NBPF11: variants seen among roughly 807,000 people sequenced by gnomAD.
NBPF11 encodes NBPF member 11.
Under a neutral mutation model 93.9 loss-of-function variants are expected in NBPF11, and 72 were observed. The observed-to-expected ratio is 0.77, with a 90% CI of 0.63 to 0.93. The LOEUF (loss-of-function observed/expected upper bound fraction) is 0.93. NBPF11 is among the 40% of genes least tolerant of loss of function. The pLI is 0.00. For missense variants in NBPF11, 705 were observed against 802.2 expected, an observed-to-expected ratio of 0.88 and a Z score of 1.46; for synonymous variants, 224 against 304.9, an observed-to-expected ratio of 0.73 and a Z score of 2.76.
chr1:148,126,918 G>A lies in NBPF11; in HGVS notation c.86C>T (p.Ala29Val). The change falls in exon 5 of 24, where the codon GCA (alanine) becomes GTA (valine). Residue 29 changes from alanine to valine, a missense_variant. Transcript: ENST00000682118. ...EINEKLRPQLAENKQQFRNLK... is the reference protein window; with the variant it reads ...EINEKLRPQLVENKQQFRNLK... The stretch of plus-strand genomic sequence containing the variant: ...GTTTCTGAACTGCTGTTTGTTCTCT[G>A]CCAACTGGGGGCGCAATTTCTCGTT... 1 of 1,240,970 alleles carries A rather than the reference G, an allele frequency of 8.1e-7. No individual in the cohort carries two copies. The highest frequency in any genetic ancestry group is 1.2e-6 in the Non-Finnish European group (1 of 863,344). 76.9% of individuals were successfully genotyped at this position (1,240,970 alleles called of 1,614,324 possible). A position where few individuals can be genotyped will look rare whatever the true frequency, so the allele number is the denominator to read the frequency against.
At chr1:148,107,988 A>G (rs1571409631) in intron 18 of NBPF11, among the ~76,000 whole-genome samples, 2 of 151,266 alleles carry the variant, frequency 1.3e-5, no homozygotes, top group Non-Finnish European at 1.5e-5. Flanking sequence ...TCGTTATCCC[A>G]ATATCATTTG....
rs1473300724 is a variant in NBPF11 at position 148,103,848 on chromosome 1, A to C, written c.*48T>G. The C allele has an allele frequency of 1.9e-6, 3 of 1,611,326 alleles. No homozygotes were observed. Among genetic ancestry groups the C allele is most frequent in the Admixed American group, 1.7e-5 (1 of 59,990 alleles). ...TCAAAGTACATTGATGGAGTCGAAT[A>C]ATATCTATCCAGTGAGTCCTGTAAG... On this transcript the variant is annotated 3_prime_UTR_variant, in exon 24 of 24. Transcript: ENST00000682118.
chr1:148,141,614 C>T (rs1672181792), intron 2 of NBPF11, among the ~76,000 whole-genome samples: 2 of 151,878 alleles, frequency 1.3e-5, no homozygotes, highest in South Asian at 2.1e-4. Flanking sequence ...ATGCCATTTA[C>T]CTCTAACCCT....
At chr1:148,147,611 G>T (rs1345539466) in intron 1 of NBPF11, among the ~76,000 whole-genome samples, 1 of 151,976 alleles carries the variant, frequency 6.6e-6, no homozygotes, top group African/African-American at 2.4e-5. Flanking sequence ...TCTCGTCCTG[G>T]CCCTGCCCAG....
In NBPF11 at chr1:148,126,325, C is replaced by T. The variant is rs1272777054; in HGVS notation, c.175+504G>A. On this transcript the variant is annotated intron_variant, in intron 5 of 23. Transcript: ENST00000682118. The stretch of plus-strand genomic sequence containing the variant: ...CTACTCCCTGCTCTTGATGCTGTCA[C>T]TTATAGATAGCACAGGTTCTATTAG... Among the ~76,000 whole-genome samples the T allele has an allele frequency of 3.9e-5, 6 of 151,910 alleles. No individual in the cohort carries two copies. In the South Asian group the frequency reaches 1.0e-3, roughly 26 times the overall value.
At chr1:148,141,783 C>T (rs1391590296) in intron 2 of NBPF11, among the ~76,000 whole-genome samples, 1 of 151,738 alleles carries the variant, frequency 6.6e-6, no homozygotes, top group South Asian at 2.1e-4. Context: ...GCCCCAGTGG[C>T]ACCCACAAAT....
At chr1:148,119,481 C>T (rs1230915118) in intron 10 of NBPF11, among the ~76,000 whole-genome samples, 6 of 151,834 alleles carry the variant, frequency 4.0e-5, no homozygotes, top group Non-Finnish European at 8.8e-5. Context: ...AGAAGACAAG[C>T]ACCTTGGATG....
At chr1:148,146,548 C>T in intron 1 of NBPF11, 5 of 1,604,640 alleles carry the variant, frequency 3.1e-6, no homozygotes, top group Non-Finnish European at 4.2e-6. Flanking sequence ...CGGGGCCGCC[C>T]CCTTGGGGAC....
At position 148,124,122 on chromosome 1, in the gene NBPF11, C is replaced by G; in HGVS notation, c.279-55G>C. 8 of 1,600,678 alleles carry G rather than the reference C, an allele frequency of 5.0e-6. 1 individual carries two copies. Among genetic ancestry groups the G allele is most frequent in the Non-Finnish European group, 6.0e-6 (7 of 1,170,326 alleles). ...AGTGAAAAGCATTGAGTGATCCGTT[C>G]AAATATTGCAACAGAGATTTCTGAG... On this transcript the variant is annotated intron_variant, in intron 6 of 23. Transcript: ENST00000682118.
chr1:148,150,106 A>T (rs1272395083), intron 1 of NBPF11, among the ~76,000 whole-genome samples: 8 of 148,252 alleles, frequency 5.4e-5, no homozygotes, highest in African/African-American at 2.0e-4. Flanking sequence ...GTAATGTTCT[A>T]TTTCTTAATC....
intron 1 of NBPF11, among the ~76,000 whole-genome samples, chr1:148,147,225 G>A (rs1183284437): frequency 3.9e-5 from 6 of 152,226 alleles, no homozygotes; most frequent in South Asian, 2.1e-4. Flanking sequence ...GCCACCTGGC[G>A]GGAGGGAGTG....
rs1182997201 is a variant in NBPF11 at position 148,137,112 on chromosome 1, T to C, written c.-178+599A>G. On this transcript the variant is annotated intron_variant, in intron 3 of 23. Transcript: ENST00000682118. ...GGTGATGAGACACCATTCCTGTGAC[T>C]ACATTGTTATATGCCAGTTATATGA... Among the ~76,000 whole-genome samples the C allele has an allele frequency of 1.8e-4, 27 of 152,088 alleles. 1 individual carries two copies. The highest frequency in any genetic ancestry group is 6.3e-4 in the African/African-American group (26 of 41,334).
At chr1:148,119,952 C>T (rs1199323671) in intron 10 of NBPF11, among the ~76,000 whole-genome samples, 2 of 125,210 alleles carry the variant, frequency 1.6e-5, no homozygotes, top group African/African-American at 5.3e-5. Context: ...CCATGCACGG[C>T]CCCTACTCCC....
chr1:148,122,762 T>G lies in NBPF11; in HGVS notation c.533A>C (p.Glu178Ala), dbSNP rs1668168770. 1.2e-6 allele frequency: 2 copies of G among 1,609,908 alleles called. No individual in the cohort carries two copies. The highest frequency in any genetic ancestry group is 1.7e-5 in the Admixed American group (1 of 60,008). Residue 178 changes from glutamate (E) to alanine (A), a missense_variant, in exon 8 of 24, where the codon GAG becomes GCG. By Grantham distance (107) the Glu-to-Ala change is moderately radical. Transcript: ENST00000682118. ...EDEDEDVQVE[E>A]DEKVLESSAP... ...AGATGATTCCAGTACTTTCTCATCCTCCTCAACTTGAACATCTTCATCCTC... is the reference window on the plus strand; with the variant it reads ...AGATGATTCCAGTACTTTCTCATCCGCCTCAACTTGAACATCTTCATCCTC...
chr1:148,122,105 T>C lies in NBPF11; in HGVS notation c.728A>G (p.Asp243Gly). 1.2e-6 allele frequency: 2 copies of C among 1,612,922 alleles called. No homozygotes were observed. The highest frequency in any genetic ancestry group is 8.5e-7 in the Non-Finnish European group (1 of 1,179,038). Residue 243 changes from aspartate to glycine, a missense_variant, in exon 9 of 24, where the codon GAC (aspartate) becomes GGC (glycine). Transcript: ENST00000682118. ...EDKVNSSLVV[D>G]RESSHDGCQD... is the part of the protein sequence containing the mutation. Reference sequence around the variant, plus strand: ...ACATCCATCATGAGAGGATTCTCTGTCTACAACCAGAGATGAGTTGACTTT... The same window carrying C: ...ACATCCATCATGAGAGGATTCTCTGCCTACAACCAGAGATGAGTTGACTTT...
chr1:148,121,427 A>G (rs1667822410), intron 9 of NBPF11, among the ~76,000 whole-genome samples: 1 of 147,332 alleles, frequency 6.8e-6, no homozygotes. Flanking sequence ...GGCTCACTGC[A>G]AGATCCGGTT....
At chr1:148,148,088 C>T (rs1673491759) in intron 1 of NBPF11, among the ~76,000 whole-genome samples, 1 of 152,186 alleles carries the variant, frequency 6.6e-6, no homozygotes, top group Non-Finnish European at 1.5e-5. Context: ...GCTCAGCACA[C>T]TACTGACCAT....
In NBPF11 at chr1:148,114,347, T is replaced by G; in HGVS notation, c.1637+90A>C. The G allele has an allele frequency of 1.2e-5, 7 of 597,784 alleles. 1 individual carries two copies. The East Asian group carries it at 2.0e-4, about 17-fold the overall frequency. 37.0% of individuals were successfully genotyped at this position (597,784 alleles called of 1,614,324 possible). A position where few individuals can be genotyped will look rare whatever the true frequency, so the allele number is the denominator to read the frequency against. ...TTTGTAGCTGGGTGAATGGAAGAAA[T>G]AGTTCTATTCATCACTTCCTCATTT... On this transcript the variant is annotated intron_variant, in intron 15 of 23. Coordinates refer to ENST00000682118, the MANE Select transcript of NBPF11 (RefSeq NM_001385469.3).
intron 4 of NBPF11, among the ~76,000 whole-genome samples, chr1:148,132,144 G>GTATATATATA (rs1302793020): frequency 7.3e-6 from 1 of 137,574 alleles, no homozygotes; most frequent in African/African-American, 2.7e-5. Context: ...GTGTGTGTGT[G>GTATATATATA]TATATATATA....
Sources: allele counts gnomAD v4.1 joint callset (sites outside exome capture counted in the v4.1 genomes callset), GRCh38; gene constraint gnomAD v4.1.1; transcripts MANE v1.5; gene names NCBI Gene and HGNC (gene_info 2026-07-23, HGNC 2026-07-21).